LRBA: variants seen among roughly 807,000 people sequenced by gnomAD.
LRBA encodes the protein LPS responsive beige-like anchor protein.
A neutral mutation model predicts 330.0 loss-of-function variants in LRBA; 176 were observed. That is an observed-to-expected ratio of 0.53 (90% CI 0.47 to 0.60). The LOEUF is 0.60. Among genes scored for constraint, LRBA ranks in the 20% least tolerant of loss-of-function variants. The pLI is 0.00. For synonymous variants in LRBA, 1,230 were observed against 1,193.0 expected (o/e 1.03, Z -0.64); for missense variants, 3,259 against 3,444.8 (o/e 0.95, Z 1.35).
chr4:150,286,016 C>T lies in LRBA; in HGVS notation c.8036G>A (p.Arg2679Gln), dbSNP rs367712597. 1.3e-5 allele frequency: 20 copies of T among 1,579,900 alleles called. 1 individual carries two copies. Among genetic ancestry groups the T allele is most frequent in the African/African-American group, 5.4e-5 (4 of 74,236 alleles). The change falls in exon 54 of 57, where the codon CGG (arginine) becomes CAG (glutamine). Residue 2679 changes from arginine to glutamine, a missense_variant. Coordinates refer to ENST00000651943, the MANE Select transcript of LRBA (RefSeq NM_001364905.1). The part of the protein sequence containing the change: ...DNPGSETAAP[R>Q]AILTGHDYEV... ...ATAGTCATGGCCGGTCAAAATGGCC[C>T]GAGGAGCAGCAGTCTCACCTTTAGG...
At chr4:150,829,616 C>T (rs1746855318) in intron 29 of LRBA, among the ~76,000 whole-genome samples, 1 of 152,160 alleles carries the variant, frequency 6.6e-6, no homozygotes, top group South Asian at 2.1e-4. Flanking sequence ...CTGACTGTTC[C>T]TTCTTAACAT....
In LRBA at chr4:150,791,498, C is replaced by T. The variant is rs570499803; in HGVS notation, c.5580+6583G>A. 1.9e-4 allele frequency among the ~76,000 whole-genome samples: 29 copies of T among 152,182 alleles called. 1 individual carries two copies. Among genetic ancestry groups the T allele is most frequent in the African/African-American group, 6.3e-4 (26 of 41,512 alleles). Reference sequence around the variant, plus strand: ...GGAAGGGGCTTGTCTTAAAAGCATACGACACATGTTTGCTAAATAAATGAA... The same window carrying T: ...GGAAGGGGCTTGTCTTAAAAGCATATGACACATGTTTGCTAAATAAATGAA... On this transcript the variant is annotated intron_variant, in intron 34 of 56. Coordinates refer to ENST00000651943, the MANE Select transcript of LRBA (RefSeq NM_001364905.1).
In LRBA at chr4:150,580,178, T is replaced by TTG. The variant is rs1213011120; in HGVS notation, c.6330+7869_6330+7870insCA. On this transcript the variant is annotated intron_variant, in intron 40 of 56. Coordinates refer to ENST00000651943, the MANE Select transcript of LRBA (RefSeq NM_001364905.1). ...GGCTGGAGGTCAAGCAGCCCAAGTC[T>TTG]CTGCCACTCCAGAGAAGTTAACTAA... The TTG allele has an allele frequency of 1.9e-5, 3 of 159,156 alleles. No individual in the cohort carries two copies. The Admixed American group carries it at 1.9e-4, about 10-fold the overall frequency. 9.9% of individuals were successfully genotyped at this position (159,156 alleles called of 1,614,324 possible).
intron 37 of LRBA, among the ~76,000 whole-genome samples, chr4:150,616,983 T>C (rs1164457743): frequency 6.6e-6 from 1 of 152,236 alleles, no homozygotes; most frequent in Non-Finnish European, 1.5e-5. Context: ...GGCTTATTCA[T>C]GTTCAGTTCA....
rs1349102655 is a variant in LRBA, at chr4:150,876,242, C to T, written c.2166-3487G>A. On this transcript the variant is annotated intron_variant, in intron 17 of 56. Transcript: ENST00000651943. ...TATAAGACTATGCAAAGCAGCCAAA[C>T]CTATAAATTACTGGCATTACTGAGA... Among the ~76,000 whole-genome samples the T allele has an allele frequency of 2.0e-5, 3 of 152,026 alleles. 1 individual carries two copies. Among genetic ancestry groups the T allele is most frequent in the Admixed American group, 2.0e-4 (3 of 15,264 alleles).
chr4:150,367,612 CG>C (rs1739643246), intron 47 of LRBA, among the ~76,000 whole-genome samples: 1 of 152,122 alleles, frequency 6.6e-6, no homozygotes, highest in Admixed American at 6.6e-5. Context: ...TGCCGAAACT[CG>C]GATTTATTTG....
chr4:150,292,497 G>A (rs183820245), intron 53 of LRBA, among the ~76,000 whole-genome samples: 145 of 152,174 alleles, frequency 9.5e-4, no homozygotes, highest in Non-Finnish European at 1.4e-3. Context: ...GAAATGAAGC[G>A]GGATTAAACA....
intron 37 of LRBA, among the ~76,000 whole-genome samples, chr4:150,641,016 T>A (rs962367686): frequency 2.6e-5 from 4 of 152,146 alleles, no homozygotes; most frequent in Admixed American, 6.6e-5. Flanking sequence ...TGGCAATGCC[T>A]TGCATCACCT....
At chr4:150,413,106 G>A (rs1187019478) in intron 47 of LRBA, among the ~76,000 whole-genome samples, 2 of 151,476 alleles carry the variant, frequency 1.3e-5, no homozygotes, top group African/African-American at 2.4e-5. Context: ...CAAATAAGTC[G>A]GTGAAAAGAT....
chr4:150,376,679 A>G (rs1416856645), intron 47 of LRBA, among the ~76,000 whole-genome samples: 1 of 152,210 alleles, frequency 6.6e-6, no homozygotes, highest in Non-Finnish European at 1.5e-5. Context: ...ATAACAAATA[A>G]GTTTTTAAAT....
chr4:150,720,707 A>G lies in LRBA; in HGVS notation c.5754+14551T>C, dbSNP rs139918988. Among the ~76,000 whole-genome samples the G allele has an allele frequency of 1.1e-3, 166 of 152,288 alleles. 1 individual carries two copies. The highest frequency in any genetic ancestry group is 4.8e-3 in the East Asian group (25 of 5,188). ...AATCTAAAAAATTTTCTAAGAACTG[A>G]AGGAAAAATCAGAATCTGCTGATTA... On this transcript the variant is annotated intron_variant, in intron 36 of 56. Coordinates refer to ENST00000651943, the MANE Select transcript of LRBA (RefSeq NM_001364905.1).
chr4:151,002,570 A>G (rs1272534456), intron 2 of LRBA, among the ~76,000 whole-genome samples: 5 of 142,072 alleles, frequency 3.5e-5, no homozygotes, highest in African/African-American at 1.0e-4. Context: ...CATCTCTCAG[A>G]AAAAAAAAAA....
At chr4:150,600,561 A>G (rs1425687135) in intron 37 of LRBA, among the ~76,000 whole-genome samples, 1 of 152,138 alleles carries the variant, frequency 6.6e-6, no homozygotes, top group Non-Finnish European at 1.5e-5. Flanking sequence ...AGAACATCAA[A>G]TATTTCCTTG....
chr4:150,285,634 T>C (rs939665544), intron 54 of LRBA, among the ~76,000 whole-genome samples: 1 of 152,208 alleles, frequency 6.6e-6, no homozygotes, highest in Non-Finnish European at 1.5e-5. Context: ...TTAAACTCCT[T>C]AGAGCAGTGC....
At chr4:150,973,861 C>G (rs756908247) in intron 2 of LRBA, among the ~76,000 whole-genome samples, 1 of 152,146 alleles carries the variant, frequency 6.6e-6, no homozygotes, top group African/African-American at 2.4e-5. Context: ...ACTTGAGCAT[C>G]AGCAGTGCAG....
intron 2 of LRBA, among the ~76,000 whole-genome samples, chr4:150,981,999 T>C (rs1216987347): frequency 6.6e-6 from 1 of 151,590 alleles, no homozygotes; most frequent in African/African-American, 2.4e-5. Flanking sequence ...TTTCATAGTT[T>C]AATAAATAAT....
At chr4:150,613,807 T>A (rs1426075371) in intron 37 of LRBA, among the ~76,000 whole-genome samples, 4 of 152,250 alleles carry the variant, frequency 2.6e-5, no homozygotes, top group Non-Finnish European at 5.9e-5. Context: ...CTAGCCCTGA[T>A]GAATTGATTC....
Position 150,776,983 on chromosome 4 carries a change from G to GA in LRBA, c.5581-15137dup, listed in dbSNP as rs554383040. On this transcript the variant is annotated intron_variant, in intron 34 of 56. Transcript: ENST00000651943. Reference sequence around the variant, plus strand: ...ACATGCATTCAAGTTTTACAAATATGAAAAAAACTATGAAAATACAAAAGT... The same window carrying GA: ...ACATGCATTCAAGTTTTACAAATATGAAAAAAAACTATGAAAATACAAAAGT... Among the ~76,000 whole-genome samples the GA allele has an allele frequency of 2.8e-3, 429 of 152,030 alleles. 2 individuals are homozygous for GA. The highest frequency in any genetic ancestry group is 0.01 in the African/African-American group (416 of 41,478).
chr4:150,979,467 T>C lies in LRBA; in HGVS notation c.216+34960A>G, dbSNP rs114502739. Among the ~76,000 whole-genome samples the C allele has an allele frequency of 6.3e-3, 961 of 152,238 alleles. 11 individuals carry two copies. The highest frequency in any genetic ancestry group is 0.022 in the African/African-American group (914 of 41,544). On this transcript the variant is annotated intron_variant, in intron 2 of 56. Coordinates refer to ENST00000651943, the MANE Select transcript of LRBA (RefSeq NM_001364905.1). The stretch of plus-strand genomic sequence containing the variant: ...AAATCATCTGAAAGTACAAAATTAA[T>C]TGGCAACAGTAAGCATACAGAAAAA...
Sources: gnomAD v4.1 joint callset for allele counts (sites outside exome capture counted in the v4.1 genomes callset) on GRCh38, gnomAD v4.1.1 for gene constraint, MANE v1.5 for transcripts, NCBI Gene and HGNC (gene_info 2026-07-23, HGNC 2026-07-21) for gene names.